Variants in CNTN5 observed in about 807,000 individuals in gnomAD.
The protein encoded by CNTN5 is contactin-5.
Under a neutral mutation model 129.1 loss-of-function variants are expected in CNTN5, and 77 were observed. The observed-to-expected ratio is 0.60, with a 90% CI of 0.50 to 0.72. The LOEUF is 0.72. Among genes scored for constraint, CNTN5 ranks in the 30% least tolerant of loss-of-function variants. The probability of loss-of-function intolerance (pLI) is 0.00; values close to 1 mark genes in which losing one functional copy is unlikely to be tolerated. For missense variants in CNTN5, 1,478 were observed against 1,328.8 expected (o/e 1.11, Z -1.75); for synonymous variants, 509 against 465.6 (o/e 1.09, Z -1.20).
intron 1 of CNTN5, among the ~76,000 whole-genome samples, chr11:99,090,885 G>A (rs10892768): frequency 2.6e-5 from 4 of 151,670 alleles, no homozygotes; most frequent in Non-Finnish European, 5.9e-5. Flanking sequence ...AGCCCGTCGC[G>A]GTGGCAGGCG....
chr11:99,531,233 G>T (rs1381542426), intron 2 of CNTN5, among the ~76,000 whole-genome samples: 1 of 152,186 alleles, frequency 6.6e-6, no homozygotes, highest in African/African-American at 2.4e-5. Context: ...CAGAGAGACT[G>T]GCAGCATTTG....
intron 24 of CNTN5, among the ~76,000 whole-genome samples, chr11:100,353,641 C>T (rs1012767956): frequency 2.6e-5 from 4 of 151,516 alleles, no homozygotes; most frequent in African/African-American, 7.3e-5. Context: ...TTTGTCATCT[C>T]GCCTTTCTTA....
chr11:100,299,576 G>A (rs183740331), intron 20 of CNTN5, among the ~76,000 whole-genome samples, 180 bp downstream of exon 20: 402 of 151,248 alleles, frequency 2.7e-3, no homozygotes, highest in South Asian at 0.013. Flanking sequence ...ATTAAAAGTT[G>A]ATTATTCCAC....
intron 3 of CNTN5, among the ~76,000 whole-genome samples, chr11:99,789,964 T>A (rs1945680332): frequency 6.6e-6 from 1 of 152,040 alleles, no homozygotes; most frequent in Non-Finnish European, 1.5e-5. Flanking sequence ...GTGTCTTTTG[T>A]TGCCATCTTT....
intron 1 of CNTN5, among the ~76,000 whole-genome samples, chr11:99,156,672 C>T (rs900615872): frequency 2.8e-4 from 43 of 151,866 alleles, no homozygotes; most frequent in African/African-American, 9.7e-4. Context: ...ACCTTTTTCT[C>T]AAACTAGGCT....
intron 2 of CNTN5, among the ~76,000 whole-genome samples, chr11:99,475,681 A>G (rs1054689192): frequency 5.9e-5 from 9 of 152,078 alleles, no homozygotes; most frequent in African/African-American, 2.2e-4. Flanking sequence ...TGACATCATT[A>G]AATATTATAT....
intron 13 of CNTN5, among the ~76,000 whole-genome samples, chr11:100,091,622 T>A (rs181117444): frequency 6.6e-6 from 1 of 151,882 alleles, no homozygotes; most frequent in East Asian, 2.0e-4. Flanking sequence ...AGAAAATGGG[T>A]TTCACCACGT....
chr11:100,151,404 G>A (rs938145997), intron 13 of CNTN5, among the ~76,000 whole-genome samples: 1 of 151,934 alleles, frequency 6.6e-6, no homozygotes, highest in East Asian at 1.9e-4. Flanking sequence ...TGAAGGGGTA[G>A]GGGGAGACAG....
chr11:100,001,064 A>G (rs990103931), intron 8 of CNTN5, among the ~76,000 whole-genome samples: 2 of 152,042 alleles, frequency 1.3e-5, no homozygotes, highest in African/African-American at 4.8e-5. Flanking sequence ...CCATGGAGAC[A>G]TTTTTCCCAT....
At chr11:99,481,803 T>A (rs894001830) in intron 2 of CNTN5, among the ~76,000 whole-genome samples, 10 of 152,208 alleles carry the variant, frequency 6.6e-5, no homozygotes, top group African/African-American at 2.4e-4. Flanking sequence ...TTCTCCCCTG[T>A]GCCAGAAGTA....
chr11:99,818,699 T>C (rs910206997), intron 3 of CNTN5, among the ~76,000 whole-genome samples: 11 of 151,604 alleles, frequency 7.3e-5, no homozygotes. Flanking sequence ...ATTTGATCCA[T>C]ATACTAAACT....
intron 2 of CNTN5, among the ~76,000 whole-genome samples, chr11:99,506,506 C>T (rs1016392864): frequency 4.6e-5 from 7 of 151,972 alleles, no homozygotes; most frequent in Admixed American, 1.3e-4. Context: ...TTCAGTATTG[C>T]GATTTGTTTT....
At chr11:99,374,132 C>A (rs895972510) in intron 2 of CNTN5, among the ~76,000 whole-genome samples, 1 of 152,154 alleles carries the variant, frequency 6.6e-6, no homozygotes, top group Admixed American at 6.5e-5. Context: ...GTTAATGACA[C>A]AATTGAATTT....
intron 18 of CNTN5, among the ~76,000 whole-genome samples, chr11:100,273,577 A>G (rs1591461683): frequency 6.6e-6 from 1 of 152,124 alleles, no homozygotes; most frequent in East Asian, 1.9e-4. Context: ...AGGCACCCAG[A>G]CCTGCACCTG....
At chr11:99,838,829 G>A (rs1947386708) in intron 4 of CNTN5, among the ~76,000 whole-genome samples, 1 of 152,100 alleles carries the variant, frequency 6.6e-6, no homozygotes, top group East Asian at 1.9e-4. Context: ...GTGTACCCCA[G>A]AAGGAAGTTG....
intron 13 of CNTN5, among the ~76,000 whole-genome samples, chr11:100,126,922 C>CT (rs1259291900): frequency 3.3e-5 from 5 of 151,314 alleles, no homozygotes; most frequent in African/African-American, 7.3e-5. Context: ...AGGTACCACT[C>CT]TTTTTTTTCT....
In CNTN5 at chr11:99,040,573, C is replaced by T. The variant is rs151271066; in HGVS notation, c.-210+19303C>T. Among the ~76,000 whole-genome samples, 31 of 152,098 alleles carry T rather than the reference C, an allele frequency of 2.0e-4. No homozygotes were observed. The East Asian group carries it at 5.6e-3, about 28-fold the overall frequency. On this transcript the variant is annotated intron_variant, in intron 1 of 24. Coordinates refer to ENST00000524871, the MANE Select transcript of CNTN5 (RefSeq NM_014361.4). ...TAAATTCAAAGAAAAGATGAGAAAT[C>T]AAAGAAATGTTGAGTTTATGCAAAA...
intron 13 of CNTN5, among the ~76,000 whole-genome samples, chr11:100,182,107 C>G (rs763526550): frequency 2.0e-5 from 3 of 152,060 alleles, no homozygotes; most frequent in African/African-American, 4.8e-5. Flanking sequence ...GTCATAAAGA[C>G]AGGTAAATCA....
chr11:99,875,194 A>G (rs966789748), intron 6 of CNTN5, among the ~76,000 whole-genome samples: 2 of 152,196 alleles, frequency 1.3e-5, no homozygotes, highest in Non-Finnish European at 2.9e-5. Flanking sequence ...ACCAGGAATG[A>G]CAGAATAGAT....
Sources: gnomAD v4.1 joint callset for allele counts (sites outside exome capture counted in the v4.1 genomes callset) on GRCh38, gnomAD v4.1.1 for gene constraint, MANE v1.5 for transcripts, NCBI Gene and HGNC (gene_info 2026-07-23, HGNC 2026-07-21) for gene names.